The following TRA2B variants were observed in gnomAD, a reference collection of about 807,000 sequenced individuals.
TRA2B encodes transformer 2 beta homolog.
A neutral mutation model predicts 41.7 loss-of-function variants in TRA2B; 14 were observed. The observed-to-expected ratio is 0.34, with a 90% CI of 0.22 to 0.53. TRA2B has a LOEUF of 0.53. Among genes scored for constraint, TRA2B ranks in the 20% least tolerant of loss-of-function variants. The pLI, the probability that TRA2B is intolerant of heterozygous loss-of-function variation, is 0.95. For synonymous variants in TRA2B, 130 were observed against 128.8 expected (o/e 1.01, Z -0.06); for missense variants, 167 against 396.8 (o/e 0.42, Z 4.92).
intron 6 of TRA2B, 84 bp from the exon 7 acceptor site, chr3:185,919,580 T>G: frequency 8.6e-7 from 1 of 1,167,612 alleles, no homozygotes; most frequent in East Asian, 2.6e-5. Context: ...AAATAAAAAC[T>G]TTCATAGAGC....
chr3:185,929,500 T>TA (rs1744070689), intron 1 of TRA2B, among the ~76,000 whole-genome samples: 1 of 151,944 alleles, frequency 6.6e-6, no homozygotes, highest in East Asian at 1.9e-4. Context: ...TTAGCATGAA[T>TA]AAAACCAAAA....
At position 185,927,551 on chromosome 3, in the gene TRA2B, T is replaced by C. The variant is rs1449106773; in HGVS notation, c.37-817A>G. 6 of 152,254 alleles carry C rather than the reference T, an allele frequency of 3.9e-5. No individual in the cohort carries two copies. The East Asian group carries it at 1.2e-3, about 29-fold the overall frequency. The allele number at this position is 152,254 out of a possible 1,614,324, so 9.4% of individuals were successfully genotyped here. Reference sequence around the variant, plus strand: ...TACACATCAAAACCAGGCAGCTAAATCAGGAGCTCCTAACCTAGGGCCCAG... The same window carrying C: ...TACACATCAAAACCAGGCAGCTAAACCAGGAGCTCCTAACCTAGGGCCCAG... On this transcript the variant is annotated intron_variant, in intron 1 of 8. Coordinates refer to ENST00000453386, the MANE Select transcript of TRA2B (RefSeq NM_004593.3).
intron 1 of TRA2B, chr3:185,928,316 C>T (rs1744028312): frequency 6.6e-6 from 1 of 152,184 alleles, no homozygotes; most frequent in Non-Finnish European, 1.5e-5. Flanking sequence ...TAGAAACGTT[C>T]AAATGACTTC....
Position 185,937,888 on chromosome 3 carries a change from G to C in TRA2B, c.-28C>G. The C allele has an allele frequency of 6.2e-7, 1 of 1,613,644 alleles. No homozygotes were observed. The highest frequency in any genetic ancestry group is 1.3e-5 in the African/African-American group (1 of 75,062). ...CTCCTGGCTGCTGTCGCCGGTCGAT[G>C]TGCTTCAATCGAAGCTGCCAACCTC... On this transcript the variant is annotated 5_prime_UTR_variant, in exon 1 of 9. Transcript: ENST00000453386.
chr3:185,926,634 G>C lies in TRA2B; in HGVS notation c.137C>G (p.Ser46Cys). The change falls in exon 2 of 9, where the codon TCC (serine) becomes TGC (cysteine). Residue 46 changes from serine to cysteine, a missense_variant. Coordinates refer to ENST00000453386, the MANE Select transcript of TRA2B (RefSeq NM_004593.3). Reference sequence around the variant, plus strand: ...AGATCGGGACCTGGACTTTGATCTGGAACGCCTGGAATCTTCCTTGGAGCG... The same window carrying C: ...AGATCGGGACCTGGACTTTGATCTGCAACGCCTGGAATCTTCCTTGGAGCG... ...RSRSKEDSRRSRSKSRSRSES... is the reference protein window; with the variant it reads ...RSRSKEDSRRCRSKSRSRSES... 1 of 1,614,116 alleles carries C rather than the reference G, an allele frequency of 6.2e-7. No individual in the cohort carries two copies. Among genetic ancestry groups the C allele is most frequent in the Non-Finnish European group, 8.5e-7 (1 of 1,179,990 alleles).
intron 1 of TRA2B, chr3:185,927,115 A>C (rs1174395304): frequency 6.5e-6 from 1 of 153,544 alleles, no homozygotes; most frequent in Non-Finnish European, 1.4e-5. Context: ...ATTTCAATCA[A>C]GTTGCAATCA....
intron 1 of TRA2B, chr3:185,937,495 C>G (rs1578491752): frequency 9.3e-7 from 1 of 1,079,310 alleles, no homozygotes; most frequent in East Asian, 5.0e-5. Context: ...CGCAGGAGAG[C>G]AACGCCGAAA....
In TRA2B at chr3:185,937,906, C is replaced by T. The variant is rs767571763; in HGVS notation, c.-46G>A. On this transcript the variant is annotated 5_prime_UTR_variant, in exon 1 of 9. Coordinates refer to ENST00000453386, the MANE Select transcript of TRA2B (RefSeq NM_004593.3). Reference sequence around the variant, plus strand: ...GGTCGATGTGCTTCAATCGAAGCTGCCAACCTCTTGCACCTTCCTTAAGGA... The same window carrying T: ...GGTCGATGTGCTTCAATCGAAGCTGTCAACCTCTTGCACCTTCCTTAAGGA... 90 of 1,611,708 alleles carry T rather than the reference C, an allele frequency of 5.6e-5. No homozygotes were observed. The highest frequency in any genetic ancestry group is 7.3e-5 in the Non-Finnish European group (86 of 1,179,272).
intron 6 of TRA2B, among the ~76,000 whole-genome samples, chr3:185,919,840 C>G (rs1349241770): frequency 2.0e-5 from 3 of 152,138 alleles, no homozygotes; most frequent in African/African-American, 7.2e-5. Context: ...CTGAACAATA[C>G]ACTTACAGAC....
At chr3:185,937,202 G>C in intron 1 of TRA2B, 2 of 985,608 alleles carry the variant, frequency 2.0e-6, no homozygotes, top group Non-Finnish European at 2.4e-6. Context: ...TCCACCTAAC[G>C]GGCCCAGAAC....
At chr3:185,934,667 C>A in intron 1 of TRA2B, 1 of 985,236 alleles carries the variant, frequency 1.0e-6, no homozygotes, top group Non-Finnish European at 1.2e-6. Context: ...GAAGTAGATT[C>A]AGAGATGTTT....
intron 1 of TRA2B, chr3:185,931,897 G>T: frequency 1.6e-6 from 2 of 1,280,400 alleles, no homozygotes; most frequent in Non-Finnish European, 2.0e-6. Flanking sequence ...AAAACTCCAG[G>T]ATAAAATCCA....
chr3:185,932,435 G>C (rs1465327640), intron 1 of TRA2B, among the ~76,000 whole-genome samples: 1 of 152,016 alleles, frequency 6.6e-6, no homozygotes, highest in Admixed American at 6.5e-5. Flanking sequence ...CCCACCCCCT[G>C]GAAAAGCTGC....
At position 185,919,419 on chromosome 3, in the gene TRA2B, A is replaced by G. The variant is rs767890003; in HGVS notation, c.782+18T>C. 10 of 1,608,854 alleles carry G rather than the reference A, an allele frequency of 6.2e-6. No individual in the cohort carries two copies. Among genetic ancestry groups the G allele is most frequent in the Non-Finnish European group, 8.5e-6 (10 of 1,177,126 alleles). On this transcript the variant is annotated intron_variant, in intron 7 of 8. Coordinates refer to ENST00000453386, the MANE Select transcript of TRA2B (RefSeq NM_004593.3). Reference sequence around the variant, plus strand: ...GCTTTATACTGTTGTACAGATGCTAAGTCCTCTCCTGGCATACCTATAAAT... The same window carrying G: ...GCTTTATACTGTTGTACAGATGCTAGGTCCTCTCCTGGCATACCTATAAAT...
intron 1 of TRA2B, among the ~76,000 whole-genome samples, chr3:185,932,712 T>C (rs1295176396): frequency 6.6e-6 from 1 of 152,220 alleles, no homozygotes; most frequent in Non-Finnish European, 1.5e-5. Context: ...AGTTGATCTG[T>C]AAATGTCTGT....
chr3:185,936,347 A>G (rs939686173), intron 1 of TRA2B: 3 of 985,332 alleles, frequency 3.0e-6, no homozygotes, highest in South Asian at 9.4e-5. Flanking sequence ...TACCCAAGAA[A>G]GCAAGAACTT....
intron 1 of TRA2B, 34 bp from the exon 2 acceptor site, chr3:185,926,768 C>G: frequency 6.2e-7 from 1 of 1,610,176 alleles, no homozygotes; most frequent in East Asian, 2.2e-5. Context: ...AATTTGCACA[C>G]TTTCTGGGCA....
At chr3:185,922,666 TC>T (rs988572868) in intron 4 of TRA2B, 2 of 152,292 alleles carry the variant, frequency 1.3e-5, no homozygotes, top group Non-Finnish European at 2.9e-5. Context: ...TTGGAAGTTT[TC>T]TTAGCCCTTC....
At chr3:185,920,372 G>A (rs1743671849) in intron 6 of TRA2B, among the ~76,000 whole-genome samples, 2 of 151,982 alleles carry the variant, frequency 1.3e-5, no homozygotes, top group South Asian at 4.2e-4. Context: ...TTCTTTTAAG[G>A]TGGGGTCTTG....
Sources: allele counts gnomAD v4.1 joint callset (sites outside exome capture counted in the v4.1 genomes callset), GRCh38; gene constraint gnomAD v4.1.1; transcripts MANE v1.5; gene names NCBI Gene and HGNC (gene_info 2026-07-23, HGNC 2026-07-21).